ABCA13: variants seen among roughly 807,000 people sequenced by gnomAD.
ABCA13 encodes the protein ATP-binding cassette sub-family A member 13.
In ABCA13, 476 loss-of-function variants were observed where a neutral mutation model predicts 478.7. That is an observed-to-expected ratio of 0.99 (90% CI 0.92 to 1.07). The LOEUF is 1.07. ABCA13 is among the 50% of genes least tolerant of loss of function. The pLI is 0.00. For missense variants in ABCA13, 6,060 were observed against 5,910.6 expected (o/e 1.03, Z -0.83); for synonymous variants, 2,252 against 2,158.9 (o/e 1.04, Z -1.20).
intron 56 of ABCA13, among the ~76,000 whole-genome samples, chr7:48,583,044 CA>C (rs1788852990): frequency 6.6e-6 from 1 of 152,136 alleles, no homozygotes; most frequent in Non-Finnish European, 1.5e-5. Flanking sequence ...CATACCATAA[CA>C]AACAACCAGT....
intron 31 of ABCA13, among the ~76,000 whole-genome samples, chr7:48,365,369 C>T (rs187148426): frequency 6.6e-6 from 1 of 152,222 alleles, no homozygotes; most frequent in East Asian, 1.9e-4. Context: ...TGTAGGTTGT[C>T]TTTACACTTT....
chr7:48,425,724 A>G (rs965204207), intron 41 of ABCA13, among the ~76,000 whole-genome samples: 4 of 78,274 alleles, frequency 5.1e-5, no homozygotes, highest in Non-Finnish European at 3.0e-5. Context: ...CAATCCTATA[A>G]TATGTCTTAT....
At chr7:48,455,323 T>C (rs1212221365) in intron 43 of ABCA13, 37 bp downstream of exon 43, 1 of 1,568,912 alleles carries the variant, frequency 6.4e-7, no homozygotes, top group East Asian at 2.3e-5. Context: ...CGAAATTATG[T>C]CGAGGCAGAT....
At chr7:48,208,207 T>C (rs1488442048) in intron 3 of ABCA13, among the ~76,000 whole-genome samples, 1 of 152,102 alleles carries the variant, frequency 6.6e-6, no homozygotes, top group Non-Finnish European at 1.5e-5. Context: ...TTGTAGTATA[T>C]TTTGAAATCA....
intron 42 of ABCA13, among the ~76,000 whole-genome samples, chr7:48,439,030 T>C (rs1823233544): frequency 6.6e-6 from 1 of 152,118 alleles, no homozygotes; most frequent in Non-Finnish European, 1.5e-5. Flanking sequence ...CACTTCTCCA[T>C]TTCCAGTTTC....
At chr7:48,331,215 A>G (rs1805349728) in intron 27 of ABCA13, among the ~76,000 whole-genome samples, 1 of 152,238 alleles carries the variant, frequency 6.6e-6, no homozygotes, top group African/African-American at 2.4e-5. Flanking sequence ...TGCAAGTAAG[A>G]GAGGAATAAA....
intron 55 of ABCA13, among the ~76,000 whole-genome samples, chr7:48,550,508 C>A (rs961211795): frequency 6.6e-6 from 1 of 151,210 alleles, no homozygotes; most frequent in Admixed American, 6.6e-5. Context: ...TCCGCCCCCC[C>A]TCAGCCTCCC....
intron 5 of ABCA13, among the ~76,000 whole-genome samples, chr7:48,225,433 G>A (rs1306443069): frequency 6.6e-6 from 1 of 152,018 alleles, no homozygotes; most frequent in African/African-American, 2.4e-5. Context: ...CATAACCACA[G>A]TACAATTATT....
intron 42 of ABCA13, among the ~76,000 whole-genome samples, chr7:48,442,789 A>G (rs1823801949): frequency 6.6e-6 from 1 of 152,202 alleles, no homozygotes; most frequent in South Asian, 2.1e-4. Context: ...CTGCTAGTCC[A>G]TGCATCACAT....
At chr7:48,608,951 T>TTG (rs1348857916) in intron 58 of ABCA13, among the ~76,000 whole-genome samples, 2 of 152,142 alleles carry the variant, frequency 1.3e-5, no homozygotes, top group Non-Finnish European at 2.9e-5. Context: ...CTGGGATTTG[T>TTG]TGTTGTTGTT....
intron 20 of ABCA13, among the ~76,000 whole-genome samples, chr7:48,295,120 T>C (rs1799186258): frequency 6.6e-6 from 1 of 152,238 alleles, no homozygotes; most frequent in African/African-American, 2.4e-5. Context: ...TTTTCCATAA[T>C]GGCTGTACCA....
intron 26 of ABCA13, among the ~76,000 whole-genome samples, chr7:48,316,311 T>TA (rs1166315262): frequency 6.6e-6 from 1 of 152,220 alleles, no homozygotes; most frequent in Admixed American, 6.5e-5. Context: ...GCTAACTTCA[T>TA]AAAAAAAGCT....
chr7:48,526,171 G>A (rs1832880901), intron 54 of ABCA13, among the ~76,000 whole-genome samples: 1 of 152,058 alleles, frequency 6.6e-6, no homozygotes, highest in African/African-American at 2.4e-5. Flanking sequence ...TGGTGGCTTT[G>A]GGGAAAAGAG....
intron 55 of ABCA13, among the ~76,000 whole-genome samples, chr7:48,536,295 A>G (rs973199172): frequency 6.6e-6 from 1 of 152,204 alleles, no homozygotes; most frequent in Non-Finnish European, 1.5e-5. Context: ...ATTTTCATCT[A>G]ATGTAGACAT....
intron 48 of ABCA13, among the ~76,000 whole-genome samples, chr7:48,502,566 T>C (rs1830851420): frequency 6.6e-6 from 1 of 152,138 alleles, no homozygotes; most frequent in African/African-American, 2.4e-5. Context: ...TCCTTCCCAC[T>C]GTATGGCTAT....
At chr7:48,539,226 A>G (rs1048536584) in intron 55 of ABCA13, among the ~76,000 whole-genome samples, 2 of 151,934 alleles carry the variant, frequency 1.3e-5, no homozygotes, top group Non-Finnish European at 2.9e-5. Flanking sequence ...CCAAAAATAC[A>G]AAAATTAGCC....
rs1379443155 is a variant in ABCA13 at position 48,646,649 on chromosome 7, A to T, written c.*1137A>T. 1 of 152,006 alleles carries T rather than the reference A, an allele frequency of 6.6e-6. No homozygotes were observed. The highest frequency in any genetic ancestry group is 1.5e-5 in the Non-Finnish European group (1 of 68,074). 9.4% of individuals were successfully genotyped at this position (152,006 alleles called of 1,614,324 possible). Reference sequence around the variant, plus strand: ...ATTCTCCTGCCTCAGCCTCCCCAGCAGCTGGGACTACAGGCACACATCGCC... The same window carrying T: ...ATTCTCCTGCCTCAGCCTCCCCAGCTGCTGGGACTACAGGCACACATCGCC... On this transcript the variant is annotated 3_prime_UTR_variant, in exon 62 of 62. Coordinates refer to ENST00000435803, the MANE Select transcript of ABCA13 (RefSeq NM_152701.5).
At chr7:48,468,964 A>C (rs1827180245) in intron 44 of ABCA13, among the ~76,000 whole-genome samples, 1 of 152,238 alleles carries the variant, frequency 6.6e-6, no homozygotes, top group Non-Finnish European at 1.5e-5. Flanking sequence ...AAAGTAGTCA[A>C]CTTTTAGTAG....
At chr7:48,597,876 A>T (rs1365999911) in intron 58 of ABCA13, among the ~76,000 whole-genome samples, 2 of 152,186 alleles carry the variant, frequency 1.3e-5, no homozygotes, top group Non-Finnish European at 2.9e-5. Flanking sequence ...TCACACATGC[A>T]TATCCTTCCC....
Sources: allele counts gnomAD v4.1 joint callset (sites outside exome capture counted in the v4.1 genomes callset), GRCh38; gene constraint gnomAD v4.1.1; transcripts MANE v1.5; gene names NCBI Gene and HGNC (gene_info 2026-07-23, HGNC 2026-07-21).